ASIC3: variants seen among roughly 807,000 people sequenced by gnomAD.
ASIC3 encodes acid-sensing ion channel 3.
ASIC3 carries 46 observed loss-of-function variants against 58.6 expected under a neutral mutation model. The ratio of observed to expected loss-of-function variants is 0.79; its 90% confidence interval spans 0.62 to 1.00. The LOEUF is 1.00. Among genes scored for constraint, ASIC3 ranks in the 50% least tolerant of loss-of-function variants. ASIC3 has a pLI of 0.00. For synonymous variants in ASIC3, 336 were observed against 300.2 expected (o/e 1.12, Z -1.23); for missense variants, 770 against 735.0 (o/e 1.05, Z -0.55).
rs147577517 is a variant in ASIC3, at chr7:151,050,816, A to G, written c.872A>G (p.Tyr291Cys). 2.2e-5 allele frequency: 35 copies of G among 1,613,578 alleles called. No homozygotes were observed. Among genetic ancestry groups the G allele is most frequent in the Non-Finnish European group, 2.9e-5 (34 of 1,179,886 alleles). The change falls in exon 4 of 11, where the codon TAT (tyrosine) becomes TGT (cysteine). Residue 291 changes from tyrosine (Y) to cysteine (C), a missense_variant. By Grantham distance (194) the Tyr-to-Cys change is radical (BLOSUM62 -2). Transcript: ENST00000349064. ...DCSSASLNPN[Y>C]EPEPSDPLGS... ...AGTTCAGCATCTCTGAACCCCAACT[A>G]TGAGCCAGAGCCCTCTGATCCCCTA...
chr7:151,052,140 C>T lies in ASIC3; in HGVS notation c.1387-26C>T. ...GGATGAGGGGGAAGGTGTGCACTGG[C>T]CACCTCCCATCCTGCTTGCCTCCAG... On this transcript the variant is annotated intron_variant, in intron 8 of 10. Transcript: ENST00000349064. The surrounding 1 kb of genome is among the most constrained non-coding windows in gnomAD (Gnocchi z 5.0). The T allele has an allele frequency of 6.2e-7, 1 of 1,613,806 alleles. No individual in the cohort carries two copies. Among genetic ancestry groups the T allele is most frequent in the Non-Finnish European group, 8.5e-7 (1 of 1,179,834 alleles).
chr7:151,051,969 C>T lies in ASIC3; in HGVS notation c.1307-14C>T, dbSNP rs372505837. 160 of 1,613,156 alleles carry T rather than the reference C, an allele frequency of 9.9e-5. 1 individual carries two copies. Among genetic ancestry groups the T allele is most frequent in the Middle Eastern group, 1.6e-4 (1 of 6,084 alleles). ...CAGGTGGCTGTAAGTTGAAGGGTGACCCTGTCTCCACAGGTGACATTGGGG... is the reference window on the plus strand; with the variant it reads ...CAGGTGGCTGTAAGTTGAAGGGTGATCCTGTCTCCACAGGTGACATTGGGG... On this transcript the variant is annotated splice_polypyrimidine_tract_variant and intron_variant, in intron 7 of 10. Transcript: ENST00000349064.
Position 151,048,844 on chromosome 7 carries a change from C to T in ASIC3, c.-42C>T, listed in dbSNP as rs1206687099. Reference sequence around the variant, plus strand: ...CCCCCTGACTGACTCTCTCTCGCTTCTTCCAAGCCTCTGTAGCTGGTTCCG... The same window carrying T: ...CCCCCTGACTGACTCTCTCTCGCTTTTTCCAAGCCTCTGTAGCTGGTTCCG... On this transcript the variant is annotated 5_prime_UTR_variant, in exon 1 of 11. Transcript: ENST00000349064. The T allele has an allele frequency of 6.6e-7, 1 of 1,518,946 alleles. No homozygotes were observed. The highest frequency in any genetic ancestry group is 2.3e-5 in the East Asian group (1 of 44,016). 94.1% of individuals were successfully genotyped at this position (1,518,946 alleles called of 1,614,324 possible).
intron 2 of ASIC3, 87 bp from the exon 3 acceptor site, chr7:151,050,394 G>A (rs929549796): frequency 6.3e-7 from 1 of 1,577,812 alleles, no homozygotes; most frequent in Admixed American, 1.7e-5. Flanking sequence ...CCCAGTCCTG[G>A]GGAGAGGGGC....
At chr7:151,050,731 A>T in intron 3 of ASIC3, 27 bp from the exon 4 acceptor site, 1 of 1,609,918 alleles carries the variant, frequency 6.2e-7, no homozygotes, top group Non-Finnish European at 8.5e-7. Flanking sequence ...CTCTCCGGGA[A>T]GCCTCCTTAA....
At position 151,048,767 on chromosome 7, in the gene ASIC3, T is replaced by G; in HGVS notation, c.-119T>G. On this transcript the variant is annotated 5_prime_UTR_variant, in exon 1 of 11. Coordinates refer to ENST00000349064, the MANE Select transcript of ASIC3 (RefSeq NM_004769.4). ...TTCCAACCTTGGCTGTCTCCCACCC[T>G]CTCTTCTCCTCTCCTTGCCTGGCCT... 7.7e-7 allele frequency: 1 copy of G among 1,290,496 alleles called. No homozygotes were observed. 79.9% of individuals were successfully genotyped at this position (1,290,496 alleles called of 1,614,324 possible).
chr7:151,051,685 G>A, intron 6 of ASIC3, 125 bp from the exon 7 acceptor site: 2 of 980,204 alleles, frequency 2.0e-6, no homozygotes, highest in Non-Finnish European at 1.5e-6. Context: ...GAGTACAGGT[G>A]TGAGCCACCG....
rs1563319882 is a variant in ASIC3 at position 151,050,867 on chromosome 7, C to T, written c.923C>T (p.Pro308Leu). 4 of 1,613,386 alleles carry T rather than the reference C, an allele frequency of 2.5e-6. No individual in the cohort carries two copies. The highest frequency in any genetic ancestry group is 2.2e-5 in the East Asian group (1 of 44,848). ...PLGSPSPSPSPPYTLMGCRLA... is the reference protein window; with the variant it reads ...PLGSPSPSPSLPYTLMGCRLA... The stretch of plus-strand genomic sequence containing the variant: ...GGCTCCCCCAGCCCCAGCCCCAGCC[C>T]TCCCTATACCCTTATGGGGTGTCGC... Residue 308 changes from proline (P) to leucine (L), a missense_variant, in exon 4 of 11, where the codon CCT becomes CTT. Pro to Leu is a moderately conservative substitution (Grantham distance 98, BLOSUM62 -3). Transcript: ENST00000349064.
chr7:151,050,486 A>G lies in ASIC3; in HGVS notation c.691A>G (p.Thr231Ala). Residue 231 changes from threonine (T) to alanine (A), a missense_variant, in exon 3 of 11, where the codon ACC (threonine) becomes GCC (alanine). Thr to Ala is a moderately conservative substitution (Grantham distance 58). Coordinates refer to ENST00000349064, the MANE Select transcript of ASIC3 (RefSeq NM_004769.4). ...CACAGGTCCCTCCCCGACAGAGGAGACCCCGTTTGAGGTGGGGATCCGAGT... is the reference window on the plus strand; with the variant it reads ...CACAGGTCCCTCCCCGACAGAGGAGGCCCCGTTTGAGGTGGGGATCCGAGT... ...YLPVWRDNEE[T>A]PFEVGIRVQI... 1 of 1,613,530 alleles carries G rather than the reference A, an allele frequency of 6.2e-7. No homozygotes were observed. Among genetic ancestry groups the G allele is most frequent in the Non-Finnish European group, 8.5e-7 (1 of 1,179,836 alleles).
Position 151,050,614 on chromosome 7 carries a change from C to G in ASIC3, c.813+6C>G. ...TTTCTTGCCAGCAGCAGCAGGTACCCTTCCGTGTGCCTCCACACCTACTAC... is the reference window on the plus strand; with the variant it reads ...TTTCTTGCCAGCAGCAGCAGGTACCGTTCCGTGTGCCTCCACACCTACTAC... On this transcript the variant is annotated splice_donor_region_variant and intron_variant, in intron 3 of 10. Coordinates refer to ENST00000349064, the MANE Select transcript of ASIC3 (RefSeq NM_004769.4). 1 of 1,613,938 alleles carries G rather than the reference C, an allele frequency of 6.2e-7. No homozygotes were observed. Among genetic ancestry groups the G allele is most frequent in the Non-Finnish European group, 8.5e-7 (1 of 1,179,896 alleles).
chr7:151,048,842 T>C lies in ASIC3; in HGVS notation c.-44T>C. ...AGCCCCCTGACTGACTCTCTCTCGCTTCTTCCAAGCCTCTGTAGCTGGTTC... is the reference window on the plus strand; with the variant it reads ...AGCCCCCTGACTGACTCTCTCTCGCCTCTTCCAAGCCTCTGTAGCTGGTTC... On this transcript the variant is annotated 5_prime_UTR_variant, in exon 1 of 11. Transcript: ENST00000349064. 9 of 1,517,022 alleles carry C rather than the reference T, an allele frequency of 5.9e-6. No individual in the cohort carries two copies. Among genetic ancestry groups the C allele is most frequent in the Non-Finnish European group, 7.9e-6 (9 of 1,133,072 alleles). 94.0% of individuals were successfully genotyped at this position (1,517,022 alleles called of 1,614,324 possible).
Position 151,051,045 on chromosome 7 carries a change from TGCCAGTGTGCAGCC to T in ASIC3, c.1017_1030del (p.Val341AlafsTer71). 2 of 1,613,256 alleles carry T rather than the reference TGCCAGTGTGCAGCC, an allele frequency of 1.2e-6. No individual in the cohort carries two copies. The highest frequency in any genetic ancestry group is 1.7e-6 in the Non-Finnish European group (2 of 1,180,014). The stretch of plus-strand genomic sequence containing the variant: ...ATCTCCCCGGTACCCGCAGGCGACG[TGCCAGTGTGCAGCC>T]CCCAGCAGTACAAGAACTGTGCCCA... On this transcript the variant is annotated frameshift_variant, in exon 5 of 11. Transcript: ENST00000349064. LOFTEE classifies it high-confidence loss of function.
chr7:151,051,518 T>C (rs1383723712), intron 6 of ASIC3, among the ~76,000 whole-genome samples, 199 bp downstream of exon 6: 1 of 151,554 alleles, frequency 6.6e-6, no homozygotes, highest in African/African-American at 2.4e-5. Flanking sequence ...AGGGGTCTGT[T>C]TTTTTTTCCT....
At position 151,052,107 on chromosome 7, in the gene ASIC3, G is replaced by A. The variant is rs767227454; in HGVS notation, c.1386+45G>A. 5 of 1,613,756 alleles carry A rather than the reference G, an allele frequency of 3.1e-6. No individual in the cohort carries two copies. In the East Asian group the frequency reaches 8.9e-5, roughly 29 times the overall value. On this transcript the variant is annotated intron_variant, in intron 8 of 10. Transcript: ENST00000349064. The surrounding 1 kb of genome is among the most constrained non-coding windows in gnomAD (Gnocchi z 5.0). Reference sequence around the variant, plus strand: ...GCAGGGGGTGGGAGGTGGGAATCAGGGCCCCTAGGATGAGGGGGAAGGTGT... The same window carrying A: ...GCAGGGGGTGGGAGGTGGGAATCAGAGCCCCTAGGATGAGGGGGAAGGTGT...
rs1441312740 is a variant in ASIC3 at position 151,051,176 on chromosome 7, C to T, written c.1071C>T (p.Ala357=). ...ACGCGGCCCGGTGGCCCGCAGATGC[C>T]ATGCTTCGCAAGGACTCGTGCGCCT... ...YKNCAHPAID[A]MLRKDSCACP... Residue 357 remains alanine, a synonymous_variant, in exon 6 of 11, where the codon GCC becomes GCT. Coordinates refer to ENST00000349064, the MANE Select transcript of ASIC3 (RefSeq NM_004769.4). The T allele has an allele frequency of 1.3e-6, 2 of 1,594,060 alleles. No homozygotes were observed. Among genetic ancestry groups the T allele is most frequent in the Admixed American group, 1.7e-5 (1 of 58,242 alleles).
At position 151,052,169 on chromosome 7, in the gene ASIC3, TTCCGAGACAAGG is replaced by T; in HGVS notation, c.1394_1405del (p.Arg465_Val468del). The T allele has an allele frequency of 6.2e-7, 1 of 1,613,980 alleles. No individual in the cohort carries two copies. Among genetic ancestry groups the T allele is most frequent in the South Asian group, 1.1e-5 (1 of 91,076 alleles). On this transcript the variant is annotated inframe_deletion, in exon 9 of 11. Coordinates refer to ENST00000349064, the MANE Select transcript of ASIC3 (RefSeq NM_004769.4). This position sits in a 1 kb window ranked among gnomAD's most constrained non-coding sequence, Gnocchi z 5.0. The stretch of plus-strand genomic sequence containing the variant: ...CTCCCATCCTGCTTGCCTCCAGGTG[TTCCGAGACAAGG>T]TCCTGGGATATTTCTGGAACCGACA...
chr7:151,051,690 C>A (rs1256797967), intron 6 of ASIC3, 120 bp from the exon 7 acceptor site: 9 of 1,024,200 alleles, frequency 8.8e-6, no homozygotes, highest in Non-Finnish European at 1.2e-5. Flanking sequence ...CAGGTGTGAG[C>A]CACCGTGCCC....
chr7:151,049,930 A>T (rs1796726839), intron 1 of ASIC3, 176 bp from the exon 2 acceptor site: 17 of 775,754 alleles, frequency 2.2e-5, no homozygotes, highest in Admixed American at 4.5e-5. Flanking sequence ...AGCTGAGTTG[A>T]TGGGCTCCCA....
chr7:151,049,503 A>G, intron 1 of ASIC3, 84 bp downstream of exon 1: 1 of 1,476,210 alleles, frequency 6.8e-7, no homozygotes, highest in Non-Finnish European at 9.0e-7. Flanking sequence ...CCTAGCCAGC[A>G]CAGGCTCCCC....
Sources: allele counts gnomAD v4.1 joint callset (sites outside exome capture counted in the v4.1 genomes callset), GRCh38; gene constraint gnomAD v4.1.1; non-coding constraint Gnocchi (gnomAD v3.1); transcripts MANE v1.5; gene names NCBI Gene and HGNC (gene_info 2026-07-23, HGNC 2026-07-21).